FAT3: variants seen among roughly 807,000 people sequenced by gnomAD.
FAT3 encodes the protein FAT atypical cadherin 3, also known as protocadherin Fat 3.
Under a neutral mutation model 310.2 loss-of-function variants are expected in FAT3, and 95 were observed. The ratio of observed to expected loss-of-function variants is 0.31; its 90% CI spans 0.26 to 0.36. The LOEUF is 0.36. Among genes scored for constraint, FAT3 ranks in the 10% least tolerant of loss-of-function variants. The probability of loss-of-function intolerance (pLI) is 1.00; values close to 1 mark genes in which losing one functional copy is unlikely to be tolerated. For missense variants in FAT3, 5,408 were observed against 5,715.6 expected (o/e 0.95, Z 1.74); for synonymous variants, 2,314 against 2,192.9 (o/e 1.06, Z -1.54).
chr11:92,501,745 C>T (rs1004103828), intron 2 of FAT3, among the ~76,000 whole-genome samples: 3 of 152,010 alleles, frequency 2.0e-5, no homozygotes, highest in Non-Finnish European at 2.9e-5. Flanking sequence ...ATGTGCCAGT[C>T]GTTGCCTTTG....
intron 1 of FAT3, among the ~76,000 whole-genome samples, chr11:92,226,596 G>A (rs1036432742): frequency 6.6e-6 from 1 of 151,724 alleles, no homozygotes; most frequent in African/African-American, 2.4e-5. Context: ...GTGGAGAGGG[G>A]TCCCCGGAAT....
intron 6 of FAT3, among the ~76,000 whole-genome samples, chr11:92,772,268 A>G (rs1456349744): frequency 6.6e-6 from 1 of 152,174 alleles, no homozygotes; most frequent in Non-Finnish European, 1.5e-5. Context: ...CTTTCCTTCC[A>G]TACAGGACTT....
At chr11:92,749,695 C>T (rs1945777684) in intron 4 of FAT3, among the ~76,000 whole-genome samples, 1 of 152,112 alleles carries the variant, frequency 6.6e-6, no homozygotes, top group African/African-American at 2.4e-5. Context: ...ATGTGGTGAC[C>T]AGTAAGTAGA....
chr11:92,256,475 A>G (rs2134291982), intron 1 of FAT3, among the ~76,000 whole-genome samples: 1 of 152,126 alleles, frequency 6.6e-6, no homozygotes. Flanking sequence ...CATAAGATAA[A>G]ATTCGAGTTA....
rs1192115610 is a variant in FAT3 at position 92,883,248 on chromosome 11, C to T, written c.12792C>T (p.Thr4264=). 1 of 1,612,928 alleles carries T rather than the reference C, an allele frequency of 6.2e-7. No individual in the cohort carries two copies. Among genetic ancestry groups the T allele is most frequent in the South Asian group, 1.1e-5 (1 of 91,084 alleles). ...TGGGAGGCGAGCACCAGGAAATGAC[C>T]ACGTTTCACCCTGAGTCGCCCCGCA... ...DGLGGEHQEM[T]TFHPESPRIL... Residue 4264 remains threonine, a synonymous_variant, in exon 24 of 28, where the codon ACC becomes ACT. Transcript: ENST00000525166. This position sits in a 1 kb window ranked among gnomAD's most constrained non-coding sequence, Gnocchi z 4.2.
chr11:92,295,717 G>A (rs985573416), intron 1 of FAT3, among the ~76,000 whole-genome samples: 42 of 152,120 alleles, frequency 2.8e-4, no homozygotes, highest in Non-Finnish European at 5.3e-4. Flanking sequence ...ATGTTTTTCA[G>A]CAAAAGCCTG....
chr11:92,521,651 T>G (rs1350611583), intron 2 of FAT3, among the ~76,000 whole-genome samples: 1 of 152,144 alleles, frequency 6.6e-6, no homozygotes, highest in East Asian at 1.9e-4. Flanking sequence ...AAGTGAAGGA[T>G]TCCAGATTTG....
At chr11:92,226,869 A>G (rs1221566016) in intron 1 of FAT3, among the ~76,000 whole-genome samples, 1 of 152,104 alleles carries the variant, frequency 6.6e-6, no homozygotes. Context: ...GGACCGCGGT[A>G]ATGATTGAAG....
intron 3 of FAT3, among the ~76,000 whole-genome samples, chr11:92,688,692 T>C (rs747520788): frequency 5.9e-5 from 9 of 152,176 alleles, no homozygotes; most frequent in Non-Finnish European, 1.2e-4. Flanking sequence ...GTGCATACAT[T>C]ATCTAGGTCT....
chr11:92,535,425 C>T (rs190037737), intron 3 of FAT3, among the ~76,000 whole-genome samples: 1 of 152,290 alleles, frequency 6.6e-6, no homozygotes, highest in African/African-American at 2.4e-5. Context: ...TTAAGCTACC[C>T]AGTTTGTGGT....
At chr11:92,235,338 G>A (rs1864374278) in intron 1 of FAT3, among the ~76,000 whole-genome samples, 1 of 152,030 alleles carries the variant, frequency 6.6e-6, no homozygotes, top group African/African-American at 2.4e-5. Flanking sequence ...TGAAGGTATT[G>A]CTTACACCTG....
intron 21 of FAT3, among the ~76,000 whole-genome samples, chr11:92,864,305 G>A (rs1057453512): frequency 1.3e-5 from 2 of 152,170 alleles, no homozygotes; most frequent in African/African-American, 4.8e-5. Flanking sequence ...ATAATAGACT[G>A]AGGACACCAG....
At chr11:92,404,212 G>A (rs1441474840) in intron 2 of FAT3, among the ~76,000 whole-genome samples, 1 of 152,088 alleles carries the variant, frequency 6.6e-6, no homozygotes, top group Non-Finnish European at 1.5e-5. Context: ...CTACCACAGA[G>A]AGTACAAATA....
intron 3 of FAT3, among the ~76,000 whole-genome samples, chr11:92,570,966 C>T (rs964997186): frequency 6.6e-6 from 1 of 152,118 alleles, no homozygotes; most frequent in African/African-American, 2.4e-5. Context: ...GGATGAAATG[C>T]CTGTCATCTA....
intron 3 of FAT3, among the ~76,000 whole-genome samples, chr11:92,682,670 G>A (rs1327160644): frequency 6.6e-6 from 1 of 152,200 alleles, no homozygotes; most frequent in East Asian, 1.9e-4. Flanking sequence ...TTGGGAAGTA[G>A]TACTGAAACT....
chr11:92,330,394 C>G (rs1947884694), intron 1 of FAT3, among the ~76,000 whole-genome samples: 2 of 152,210 alleles, frequency 1.3e-5, no homozygotes, highest in African/African-American at 4.8e-5. Flanking sequence ...TGCCCTCTGC[C>G]TTTTAACTCT....
At chr11:92,538,660 G>A (rs900147958) in intron 3 of FAT3, among the ~76,000 whole-genome samples, 7 of 152,098 alleles carry the variant, frequency 4.6e-5, no homozygotes, top group Non-Finnish European at 7.4e-5. Context: ...CAGGTACAAT[G>A]CTAGGCACAG....
chr11:92,797,522 A>T (rs1392369601), intron 9 of FAT3, among the ~76,000 whole-genome samples: 1 of 152,212 alleles, frequency 6.6e-6, no homozygotes, highest in Non-Finnish European at 1.5e-5. Context: ...TTCTTAGCAG[A>T]AAGATCTCTC....
At chr11:92,371,879 C>T (rs1484656686) in intron 2 of FAT3, among the ~76,000 whole-genome samples, 2 of 152,172 alleles carry the variant, frequency 1.3e-5, no homozygotes, top group African/African-American at 4.8e-5. Context: ...AGTTACAGTA[C>T]ATGCTAATGT....
Sources: gnomAD v4.1 joint callset for allele counts (sites outside exome capture counted in the v4.1 genomes callset) on GRCh38, gnomAD v4.1.1 for gene constraint, Gnocchi (gnomAD v3.1) non-coding constraint, MANE v1.5 for transcripts, NCBI Gene and HGNC (gene_info 2026-07-23, HGNC 2026-07-21) for gene names.